ZBTB38: variants seen among roughly 807,000 people sequenced by gnomAD.
The protein encoded by ZBTB38 is zinc finger and BTB domain-containing protein 38.
In ZBTB38, 20 loss-of-function variants were observed where a neutral mutation model predicts 76.8. The observed-to-expected ratio is 0.26, with a 90% CI of 0.18 to 0.38. ZBTB38 has a LOEUF of 0.38. ZBTB38 is among the 10% of genes least tolerant of loss of function. The probability of loss-of-function intolerance (pLI) is 1.00; values close to 1 mark genes in which losing one functional copy is unlikely to be tolerated. For missense variants in ZBTB38, 1,082 were observed against 1,482.3 expected (o/e 0.73, Z 4.43); for synonymous variants, 504 against 544.2 (o/e 0.93, Z 1.03).
chr3:141,409,928 G>T (rs951076593), intron 5 of ZBTB38, among the ~76,000 whole-genome samples: 1 of 152,320 alleles, frequency 6.6e-6, no homozygotes, highest in South Asian at 2.1e-4. Flanking sequence ...CAGAGCCCCT[G>T]CAGGGCTGGG....
chr3:141,384,234 T>G (rs1188820392), intron 3 of ZBTB38, among the ~76,000 whole-genome samples: 1 of 152,254 alleles, frequency 6.6e-6, no homozygotes, highest in East Asian at 1.9e-4. Context: ...GAAACTGCCC[T>G]GGCATCTGGC....
upstream of ZBTB38, chr3:141,367,631 G>A (rs549549140): frequency 3.3e-5 from 5 of 152,204 alleles, no homozygotes; most frequent in Non-Finnish European, 5.9e-5. Context: ...TCCAGGCTCT[G>A]CCATGAACTA....
intron 5 of ZBTB38, among the ~76,000 whole-genome samples, chr3:141,432,902 T>C (rs987573164): frequency 6.6e-6 from 1 of 152,256 alleles, no homozygotes; most frequent in Non-Finnish European, 1.5e-5. Flanking sequence ...AGCTAACCTT[T>C]GAGACTTGGA....
At chr3:141,409,550 A>T (rs1361742213) in intron 5 of ZBTB38, among the ~76,000 whole-genome samples, 1 of 152,210 alleles carries the variant, frequency 6.6e-6, no homozygotes, top group Non-Finnish European at 1.5e-5. Context: ...GAGCAGAGAT[A>T]ATGTGCAAAC....
At chr3:141,438,966 A>ATTT (rs56348132) in intron 5 of ZBTB38, among the ~76,000 whole-genome samples, 5 of 140,072 alleles carry the variant, frequency 3.6e-5, no homozygotes, top group African/African-American at 8.0e-5. Flanking sequence ...ATCATTTTTA[A>ATTT]TTTTTTTTTT....
At chr3:141,334,888 C>T (rs1942972636) in intron 1 of ZBTB38, among the ~76,000 whole-genome samples, 1 of 152,206 alleles carries the variant, frequency 6.6e-6, no homozygotes, top group South Asian at 2.1e-4. Context: ...ATATGGAAGG[C>T]TAATCTTTCA....
At chr3:141,383,024 G>A (rs971761737) in intron 3 of ZBTB38, among the ~76,000 whole-genome samples, 2 of 152,148 alleles carry the variant, frequency 1.3e-5, no homozygotes, top group Non-Finnish European at 2.9e-5. Flanking sequence ...ACCTAAAATT[G>A]AAGGTACTCA....
chr3:141,385,922 C>T (rs1170886702), intron 3 of ZBTB38: 1 of 152,114 alleles, frequency 6.6e-6, no homozygotes, highest in African/African-American at 2.4e-5. Flanking sequence ...AAACATTTCA[C>T]TCATAAAACG....
chr3:141,368,483 T>TC (rs1426649632), upstream of ZBTB38: 2 of 151,898 alleles, frequency 1.3e-5, no homozygotes. Context: ...GCCACTGGCC[T>TC]CCCTCTGAAG....
intron 1 of ZBTB38, among the ~76,000 whole-genome samples, chr3:141,355,417 T>C (rs1025925472): frequency 2.6e-5 from 4 of 152,136 alleles, no homozygotes; most frequent in Admixed American, 6.5e-5. Flanking sequence ...TCCTGATTCA[T>C]AGACCGTGGT....
rs1213584143 is a variant in ZBTB38, at chr3:141,445,685, C to T, written c.3297C>T (p.Cys1099=). The change falls in exon 6 of 6, where the codon TGC becomes TGT. Residue 1099 remains cysteine, a synonymous_variant. Coordinates refer to ENST00000321464, the MANE Select transcript of ZBTB38 (RefSeq NM_001376113.1). The surrounding 1 kb of genome is among the most constrained non-coding windows in gnomAD (Gnocchi z 6.5). The part of the protein sequence containing the change: ...TGEKRYHCQF[C]FQRFLYLSTK... ...AAAAGCGTTACCACTGTCAGTTCTG[C>T]TTTCAGAGATTTTTGTATCTCTCCA... is the stretch of plus-strand genomic sequence containing the variant. 4 of 1,614,192 alleles carry T rather than the reference C, an allele frequency of 2.5e-6. No individual in the cohort carries two copies. Among genetic ancestry groups the T allele is most frequent in the Admixed American group, 1.7e-5 (1 of 60,030 alleles).
At chr3:141,394,072 G>T (rs376760523) in intron 4 of ZBTB38, 1 of 149,462 alleles carries the variant, frequency 6.7e-6, no homozygotes, top group Admixed American at 6.7e-5. Context: ...GTGCAGTGAC[G>T]CAATCTCAGG....
chr3:141,433,769 A>G (rs902167583), intron 5 of ZBTB38, among the ~76,000 whole-genome samples: 1 of 152,242 alleles, frequency 6.6e-6, no homozygotes, highest in Non-Finnish European at 1.5e-5. Context: ...TAGTTGAAGT[A>G]TATAAAGCAA....
rs1041885001 is a variant in ZBTB38, at chr3:141,351,821, T to A, written c.-738-16800T>A. Among the ~76,000 whole-genome samples the A allele has an allele frequency of 7.9e-5, 12 of 151,898 alleles. No homozygotes were observed. The South Asian group carries it at 8.3e-4, about 11-fold the overall frequency. On this transcript the variant is annotated intron_variant, in intron 1 of 7. Transcript: ENST00000509842. ...TGAAAATGTTAAATATTAAGTGCAA[T>A]CGTGATCTAACAATTCATTTATAGA...
Position 141,445,178 on chromosome 3 carries a change from G to A in ZBTB38, c.2790G>A (p.Gln930=). ...ACAAACCCAAAAAGAAATCCAGACA[G>A]TTGAAAAAAATGAGGAAAGTCAACT... The part of the protein sequence containing the change: ...YNYKPKKKSR[Q]LKKMRKVNWR... The change falls in exon 6 of 6, where the codon CAG becomes CAA. Residue 930 remains glutamine (Q), a synonymous_variant. Coordinates refer to ENST00000321464, the MANE Select transcript of ZBTB38 (RefSeq NM_001376113.1). This position sits in a 1 kb window ranked among gnomAD's most constrained non-coding sequence, Gnocchi z 6.5. The A allele has an allele frequency of 6.2e-7, 1 of 1,614,016 alleles. No homozygotes were observed. Among genetic ancestry groups the A allele is most frequent in the Admixed American group, 1.7e-5 (1 of 60,012 alleles).
chr3:141,422,705 G>T (rs1317116249), intron 5 of ZBTB38, among the ~76,000 whole-genome samples: 2 of 152,104 alleles, frequency 1.3e-5, no homozygotes, highest in Non-Finnish European at 2.9e-5. Context: ...CCTCTTCTCT[G>T]TTTATTCTTC....
intron 4 of ZBTB38, among the ~76,000 whole-genome samples, chr3:141,394,897 A>C (rs1384995147): frequency 6.6e-6 from 1 of 152,132 alleles, no homozygotes; most frequent in Non-Finnish European, 1.5e-5. Context: ...GGACTTCTTA[A>C]GGTCTCTCGG....
intron 1 of ZBTB38, among the ~76,000 whole-genome samples, chr3:141,360,386 A>G (rs1350079684): frequency 6.6e-6 from 1 of 152,214 alleles, no homozygotes; most frequent in African/African-American, 2.4e-5. Context: ...CTTTGCCATC[A>G]GAAATTGCCA....
chr3:141,377,410 A>G (rs1375687455), intron 2 of ZBTB38, among the ~76,000 whole-genome samples: 1 of 152,250 alleles, frequency 6.6e-6, no homozygotes, highest in Non-Finnish European at 1.5e-5. Context: ...AAGGAGCCCG[A>G]CACATCTAGT....
Sources: allele counts gnomAD v4.1 joint callset (sites outside exome capture counted in the v4.1 genomes callset), GRCh38; gene constraint gnomAD v4.1.1; non-coding constraint Gnocchi (gnomAD v3.1); transcripts MANE v1.5; gene names NCBI Gene and HGNC (gene_info 2026-07-23, HGNC 2026-07-21).